Variants in RBPJ observed in about 807,000 individuals in gnomAD.
RBPJ encodes the protein recombination signal binding protein for immunoglobulin kappa J region.
A neutral mutation model predicts 67.8 loss-of-function variants in RBPJ; 9 were observed. That is an observed-to-expected ratio of 0.13 (90% CI 0.08 to 0.23). RBPJ has a LOEUF of 0.23. Ranked by LOEUF, RBPJ falls within the 10% of genes least tolerant of loss-of-function variation. The pLI is 1.00. For missense variants in RBPJ, 305 were observed against 595.6 expected (o/e 0.51, Z 5.08); for synonymous variants, 198 against 203.3 (o/e 0.97, Z 0.22).
At chr4:26,195,301 T>C (rs1426221855) in intron 1 of RBPJ, among the ~76,000 whole-genome samples, 17 of 152,168 alleles carry the variant, frequency 1.1e-4, no homozygotes, top group Non-Finnish European at 7.3e-5. Context: ...GCTCAGAAGT[T>C]CAAAGCTGCA....
chr4:26,407,487 T>G (rs1733551701), intron 3 of RBPJ, among the ~76,000 whole-genome samples: 2 of 152,236 alleles, frequency 1.3e-5, no homozygotes, highest in Admixed American at 1.3e-4. Flanking sequence ...TTCCGCATTT[T>G]TTATGTTTAA....
intron 1 of RBPJ, among the ~76,000 whole-genome samples, chr4:26,310,524 G>A (rs576876433): frequency 2.5e-3 from 380 of 151,992 alleles, no homozygotes; most frequent in Middle Eastern, 0.014. Context: ...ATCTACAGTG[G>A]GTTTCCCAAA....
At chr4:26,251,392 A>C (rs1263068575) in intron 1 of RBPJ, among the ~76,000 whole-genome samples, 1 of 152,034 alleles carries the variant, frequency 6.6e-6, no homozygotes, top group Non-Finnish European at 1.5e-5. Flanking sequence ...TCCCAGCCCC[A>C]TGGGAGGCCG....
At chr4:26,306,438 AATTATTATTATT>A (rs556823125) in intron 1 of RBPJ, among the ~76,000 whole-genome samples, 2 of 147,164 alleles carry the variant, frequency 1.4e-5, no homozygotes, top group Non-Finnish European at 3.0e-5. Context: ...TTATTTGGAG[AATTATTATTATT>A]ATTATTATTA....
At chr4:26,130,225 C>A in the RBPJ span, among the ~76,000 whole-genome samples, 2 of 152,154 alleles carry the variant, frequency 1.3e-5, no homozygotes, top group Non-Finnish European at 2.9e-5. Flanking sequence ...AATACATACA[C>A]CCGCACCTTC....
At chr4:26,345,401 A>G (rs1005819924) in intron 1 of RBPJ, among the ~76,000 whole-genome samples, 5 of 152,328 alleles carry the variant, frequency 3.3e-5, no homozygotes, top group African/African-American at 1.2e-4. Flanking sequence ...AAGTAGAAAT[A>G]TTATTTCCAG....
intron 1 of RBPJ, among the ~76,000 whole-genome samples, chr4:26,168,701 G>A (rs1183123545): frequency 6.6e-6 from 1 of 152,190 alleles, no homozygotes; most frequent in Non-Finnish European, 1.5e-5. Context: ...GTCACTTTCA[G>A]GTACACCAAT....
At chr4:26,138,479 G>A in the RBPJ span, among the ~76,000 whole-genome samples, 1 of 152,142 alleles carries the variant, frequency 6.6e-6, no homozygotes, top group Non-Finnish European at 1.5e-5. Context: ...CAACAGAAGA[G>A]CCTCAGAGAT....
At chr4:26,370,754 A>G (rs1339742666) in intron 1 of RBPJ, among the ~76,000 whole-genome samples, 3 of 152,166 alleles carry the variant, frequency 2.0e-5, no homozygotes, top group Admixed American at 2.0e-4. Context: ...TGAATTTGGT[A>G]AAATAGTTCC....
intron 1 of RBPJ, among the ~76,000 whole-genome samples, chr4:26,279,298 T>C (rs539951985): frequency 0.025 from 3,789 of 152,020 alleles, 92 homozygotes; most frequent in Middle Eastern, 0.092. Context: ...TTCTTTTTTT[T>C]GGAGACAGAG....
At chr4:26,346,342 A>G (rs1213782496) in intron 1 of RBPJ, among the ~76,000 whole-genome samples, 1 of 152,228 alleles carries the variant, frequency 6.6e-6, no homozygotes, top group Non-Finnish European at 1.5e-5. Context: ...TATCTGATTT[A>G]CATAGGGCTC....
At chr4:26,307,479 C>A (rs965596351) in intron 1 of RBPJ, among the ~76,000 whole-genome samples, 13 of 152,160 alleles carry the variant, frequency 8.5e-5, no homozygotes, top group Non-Finnish European at 1.9e-4. Context: ...CATGCAAATA[C>A]AGATATAGCT....
intron 1 of RBPJ, among the ~76,000 whole-genome samples, chr4:26,335,780 C>G (rs891643523): frequency 6.6e-6 from 1 of 151,782 alleles, no homozygotes. Context: ...ACCACCTACG[C>G]CCGGCTAATT....
At chr4:26,379,806 C>T (rs1412076570) in intron 1 of RBPJ, among the ~76,000 whole-genome samples, 1 of 152,150 alleles carries the variant, frequency 6.6e-6, no homozygotes, top group East Asian at 1.9e-4. Context: ...GAACTCTTGG[C>T]TTCAAGTGAT....
intron 5 of RBPJ, among the ~76,000 whole-genome samples, chr4:26,421,089 A>G (rs1735088562): frequency 6.6e-6 from 1 of 152,050 alleles, no homozygotes; most frequent in Non-Finnish European, 1.5e-5. Context: ...GAATTGATCT[A>G]CCCACAATGT....
intron 1 of RBPJ, among the ~76,000 whole-genome samples, chr4:26,210,216 T>C (rs546442564): frequency 6.6e-6 from 1 of 152,312 alleles, no homozygotes; most frequent in Admixed American, 6.5e-5. Context: ...TTGACAGTGT[T>C]CTACAGTGGG....
At chr4:26,190,332 C>T (rs1215083499) in intron 1 of RBPJ, among the ~76,000 whole-genome samples, 1 of 152,130 alleles carries the variant, frequency 6.6e-6, no homozygotes, top group Non-Finnish European at 1.5e-5. Flanking sequence ...AAAACCTGGT[C>T]CCTATGGGAA....
At chr4:26,301,679 A>C (rs1722084569) in intron 1 of RBPJ, among the ~76,000 whole-genome samples, 2 of 152,230 alleles carry the variant, frequency 1.3e-5, no homozygotes, top group African/African-American at 4.8e-5. Context: ...ATAATAGAAA[A>C]TTTCAATAAA....
chr4:26,221,122 G>A (rs1334081435), intron 1 of RBPJ, among the ~76,000 whole-genome samples: 1 of 152,132 alleles, frequency 6.6e-6, no homozygotes, highest in Non-Finnish European at 1.5e-5. Flanking sequence ...ACGGAGTCTC[G>A]TTCCGTCGCC....
Sources: allele counts gnomAD v4.1 joint callset (sites outside exome capture counted in the v4.1 genomes callset), GRCh38; gene constraint gnomAD v4.1.1; transcripts MANE v1.5; gene names NCBI Gene and HGNC (gene_info 2026-07-23, HGNC 2026-07-21).